The following SENP6 variants were observed in gnomAD, a reference collection of about 807,000 sequenced individuals.
The protein encoded by SENP6 is sentrin-specific protease 6.
SENP6 carries 41 observed loss-of-function variants against 134.5 expected under a neutral mutation model. That is an observed-to-expected ratio of 0.30 (90% CI 0.24 to 0.40). The LOEUF is 0.40. Among genes scored for constraint, SENP6 ranks in the 10% least tolerant of loss-of-function variants. SENP6 has a pLI of 1.00. For missense variants in SENP6, 1,248 were observed against 1,312.5 expected (o/e 0.95, Z 0.76); for synonymous variants, 395 against 429.8 (o/e 0.92, Z 1.00).
intron 7 of SENP6, 77 bp downstream of exon 7, chr6:75,647,878 G>A (rs1173811115): frequency 2.5e-5 from 28 of 1,100,302 alleles, no homozygotes; most frequent in Admixed American, 1.4e-4. Flanking sequence ...TACGATGCTG[G>A]CTTTAGAATA....
chr6:75,638,611 TATATATATA>T (rs1377563181), intron 5 of SENP6, among the ~76,000 whole-genome samples: 15 of 57,556 alleles, frequency 2.6e-4, no homozygotes, highest in Non-Finnish European at 3.6e-4. Context: ...TATATATATA[TATATATATA>T]TATTTTTTTT....
chr6:75,645,353 T>G (rs1441827978), intron 6 of SENP6, among the ~76,000 whole-genome samples: 2 of 152,212 alleles, frequency 1.3e-5, no homozygotes, highest in Non-Finnish European at 2.9e-5. Context: ...TGGTGGTTTA[T>G]GCCTGTAATC....
At chr6:75,678,734 T>G (rs1247240571) in intron 15 of SENP6, 42 bp downstream of exon 15, 2 of 1,389,856 alleles carry the variant, frequency 1.4e-6, no homozygotes, top group Admixed American at 1.7e-5. Flanking sequence ...TTAAATGTCT[T>G]TCTCTGTTTT....
At chr6:75,647,866 G>A in intron 7 of SENP6, 65 bp downstream of exon 7, 1 of 1,226,640 alleles carries the variant, frequency 8.2e-7, no homozygotes, top group Non-Finnish European at 1.2e-6. Context: ...GTACAATGGA[G>A]ATACGATGCT....
intron 1 of SENP6, among the ~76,000 whole-genome samples, chr6:75,619,536 C>G (rs556844735): frequency 1.3e-5 from 2 of 151,840 alleles, no homozygotes; most frequent in Admixed American, 6.6e-5. Flanking sequence ...TGGGTTGTTT[C>G]CACCATTTAG....
In SENP6 at chr6:75,703,973, A is replaced by C. The variant is rs551985614; in HGVS notation, c.2716+901A>C. On this transcript the variant is annotated intron_variant, in intron 19 of 23. Transcript: ENST00000447266. ...GCATTAACAGTAGTTGTGCAGTCTT[A>C]GATGTATAAGACAAATTAGATCTCA... 5.9e-5 allele frequency among the ~76,000 whole-genome samples: 9 copies of C among 152,322 alleles called. No individual in the cohort carries two copies. In the South Asian group the frequency reaches 1.9e-3, roughly 32 times the overall value.
At chr6:75,685,048 G>A (rs912723639) in intron 16 of SENP6, among the ~76,000 whole-genome samples, 2 of 152,020 alleles carry the variant, frequency 1.3e-5, no homozygotes, top group African/African-American at 4.8e-5. Context: ...TTGGTTGGTA[G>A]GCTATTAATT....
intron 16 of SENP6, among the ~76,000 whole-genome samples, chr6:75,691,434 C>G (rs975472378): frequency 6.6e-6 from 1 of 152,162 alleles, no homozygotes; most frequent in Admixed American, 6.5e-5. Flanking sequence ...TAAAGGAGTT[C>G]TGATGATGTT....
chr6:75,652,166 G>A (rs1770916242), intron 7 of SENP6, among the ~76,000 whole-genome samples: 1 of 151,920 alleles, frequency 6.6e-6, no homozygotes, highest in Admixed American at 6.6e-5. Context: ...AACAGAGTGA[G>A]ACCATATCTC....
chr6:75,627,750 A>C (rs1357523982), intron 3 of SENP6, among the ~76,000 whole-genome samples: 1 of 152,030 alleles, frequency 6.6e-6, no homozygotes, highest in African/African-American at 2.4e-5. Flanking sequence ...ATCTCAGCTC[A>C]CTGCAACCTC....
At chr6:75,622,994 A>G in intron 2 of SENP6, 1 of 268,668 alleles carries the variant, frequency 3.7e-6, no homozygotes, top group East Asian at 8.9e-5. Context: ...TAAATCTGAA[A>G]TTAAGCTGCA....
intron 3 of SENP6, among the ~76,000 whole-genome samples, chr6:75,625,585 G>A (rs964053128): frequency 3.9e-5 from 6 of 152,102 alleles, no homozygotes; most frequent in African/African-American, 1.4e-4. Context: ...TAACTTATTT[G>A]GGGCTGGGCA....
chr6:75,621,610 GAGATAC>G lies in SENP6; in HGVS notation c.137_142del (p.Thr46_Asp47del), dbSNP rs757929357. The G allele has an allele frequency of 2.5e-5, 40 of 1,603,052 alleles. No homozygotes were observed. The highest frequency in any genetic ancestry group is 8.4e-5 in the Admixed American group (5 of 59,820). On this transcript the variant is annotated inframe_deletion, in exon 2 of 24. Coordinates refer to ENST00000447266, the MANE Select transcript of SENP6 (RefSeq NM_015571.4). Reference sequence around the variant, plus strand: ...TTTGATCATGAAGAAGAAAGTGAAGGAGATACAGATAAAGAGTAAGGATTTTTTTTT... The same window carrying G: ...TTTGATCATGAAGAAGAAAGTGAAGGAGATAAAGAGTAAGGATTTTTTTTT...
At position 75,665,825 on chromosome 6, in the gene SENP6, G is replaced by A. The variant is rs989449331; in HGVS notation, c.995-887G>A. Among the ~76,000 whole-genome samples the A allele has an allele frequency of 3.9e-5, 6 of 151,950 alleles. No homozygotes were observed. In the Middle Eastern group the frequency reaches 0.01, roughly 260 times the overall value. ...GCGGATCACCTGAGGTCGGGAGTTC[G>A]AGACCAGCCTGGCCAACATGGAGAA... On this transcript the variant is annotated intron_variant, in intron 9 of 23. Transcript: ENST00000447266.
At chr6:75,685,379 C>T (rs1310186887) in intron 16 of SENP6, among the ~76,000 whole-genome samples, 2 of 151,910 alleles carry the variant, frequency 1.3e-5, no homozygotes, top group Non-Finnish European at 2.9e-5. Context: ...TTGTCTCTAT[C>T]TCCTTCAGTT....
chr6:75,694,227 G>T (rs1481538737), intron 16 of SENP6, among the ~76,000 whole-genome samples: 1 of 152,198 alleles, frequency 6.6e-6, no homozygotes, highest in Non-Finnish European at 1.5e-5. Context: ...TTGCACTCCA[G>T]CCTGCCTGGG....
At chr6:75,638,420 T>C (rs1257562097) in intron 5 of SENP6, among the ~76,000 whole-genome samples, 1 of 149,922 alleles carries the variant, frequency 6.7e-6, no homozygotes, top group Non-Finnish European at 1.5e-5. Context: ...AAAGCAACTC[T>C]AGGGCAGGAC....
chr6:75,621,673 C>G (rs1354097095), intron 2 of SENP6, 48 bp downstream of exon 2: 7 of 1,120,290 alleles, frequency 6.2e-6, no homozygotes, highest in Non-Finnish European at 9.2e-6. Context: ...TAAAACTTCT[C>G]ATTAGAAAAA....
intron 8 of SENP6, among the ~76,000 whole-genome samples, chr6:75,662,466 CA>C (rs201325347): frequency 0.014 from 2,079 of 152,208 alleles, 42 homozygotes; most frequent in African/African-American, 0.047. Flanking sequence ...AAAGAAACTA[CA>C]CTTAACATAA....
Sources: allele counts gnomAD v4.1 joint callset (sites outside exome capture counted in the v4.1 genomes callset), GRCh38; gene constraint gnomAD v4.1.1; transcripts MANE v1.5; gene names NCBI Gene and HGNC (gene_info 2026-07-23, HGNC 2026-07-21).